Variants in SUGCT observed in about 807,000 individuals in gnomAD.
SUGCT encodes succinyl-CoA:glutarate CoA-transferase.
A neutral mutation model predicts 55.0 loss-of-function variants in SUGCT; 41 were observed. The observed-to-expected ratio is 0.74, with a 90% CI of 0.58 to 0.97. SUGCT has a LOEUF of 0.97. Ranked by LOEUF, SUGCT falls within the 50% of genes least tolerant of loss-of-function variation. SUGCT has a pLI of 0.00. For missense variants in SUGCT, 568 were observed against 547.8 expected (o/e 1.04, Z -0.37); for synonymous variants, 187 against 200.4 (o/e 0.93, Z 0.56).
the SUGCT span, among the ~76,000 whole-genome samples, chr7:40,962,386 T>G: frequency 1.3e-5 from 2 of 152,080 alleles, no homozygotes; most frequent in South Asian, 4.2e-4. Context: ...AGTCCCCACC[T>G]GACCCAGAAA....
intron 12 of SUGCT, among the ~76,000 whole-genome samples, chr7:40,740,116 T>G (rs1787384441): frequency 6.6e-6 from 1 of 152,100 alleles, no homozygotes; most frequent in Non-Finnish European, 1.5e-5. Flanking sequence ...GCATACACAG[T>G]CTATACATTT....
chr7:40,135,244 C>T, intron 1 of SUGCT, 124 bp downstream of exon 1: 9 of 1,207,716 alleles, frequency 7.5e-6, no homozygotes, highest in South Asian at 1.8e-5. Context: ...TGGCTTTGCT[C>T]GCCTCCCTGC....
chr7:40,253,040 A>G (rs1790545904), intron 7 of SUGCT, among the ~76,000 whole-genome samples: 1 of 152,252 alleles, frequency 6.6e-6, no homozygotes, highest in Non-Finnish European at 1.5e-5. Context: ...ATTGTGTAAT[A>G]TAGTGCAAAG....
chr7:40,169,505 G>A (rs1328655875), intron 1 of SUGCT, among the ~76,000 whole-genome samples: 3 of 152,198 alleles, frequency 2.0e-5, no homozygotes, highest in African/African-American at 7.2e-5. Context: ...TGGATCATCT[G>A]GTTAGTGGCT....
At chr7:40,311,109 G>A (rs945126408) in intron 8 of SUGCT, among the ~76,000 whole-genome samples, 1 of 152,114 alleles carries the variant, frequency 6.6e-6, no homozygotes, top group Non-Finnish European at 1.5e-5. Flanking sequence ...AGTTTACCCA[G>A]ATATTCAGCA....
chr7:40,456,126 A>C lies in SUGCT; in HGVS notation c.889-2975A>C, dbSNP rs182780906. 3.1e-3 allele frequency among the ~76,000 whole-genome samples: 470 copies of C among 152,176 alleles called. 5 individuals carry two copies. The highest frequency in any genetic ancestry group is 0.011 in the African/African-American group (439 of 41,510). ...CTGCAACCTCTGCCTCCTGGGTTCA[A>C]GTGATTCTTGTGCCTCAGCCTCCTG... On this transcript the variant is annotated intron_variant, in intron 10 of 13. Transcript: ENST00000335693.
chr7:40,639,931 G>A (rs1800195078), intron 12 of SUGCT, among the ~76,000 whole-genome samples: 1 of 152,106 alleles, frequency 6.6e-6, no homozygotes, highest in Non-Finnish European at 1.5e-5. Flanking sequence ...TAATTTTAAA[G>A]TCATCTTTCT....
At chr7:40,381,846 G>C (rs910997064) in intron 9 of SUGCT, among the ~76,000 whole-genome samples, 1 of 152,026 alleles carries the variant, frequency 6.6e-6, no homozygotes, top group South Asian at 2.1e-4. Flanking sequence ...CAAGTGATTA[G>C]TATTTTTTTA....
intron 1 of SUGCT, among the ~76,000 whole-genome samples, chr7:40,157,033 A>C (rs1471524150): frequency 4.1e-5 from 6 of 146,392 alleles, no homozygotes; most frequent in Non-Finnish European, 9.0e-5. Flanking sequence ...AAAAAAGGTA[A>C]ATATTTTCAT....
chr7:40,945,391 A>G, the SUGCT span, among the ~76,000 whole-genome samples: 2 of 152,036 alleles, frequency 1.3e-5, no homozygotes, highest in African/African-American at 4.8e-5. Context: ...TTGTAACTCT[A>G]CCCCTCATGC....
At chr7:40,553,537 A>T (rs1486191185) in intron 12 of SUGCT, among the ~76,000 whole-genome samples, 1 of 152,184 alleles carries the variant, frequency 6.6e-6, no homozygotes, top group East Asian at 1.9e-4. Context: ...ATCACAGCTA[A>T]TCCATGTGAT....
intron 9 of SUGCT, among the ~76,000 whole-genome samples, chr7:40,419,394 G>T (rs935784992): frequency 6.6e-6 from 1 of 152,158 alleles, no homozygotes; most frequent in African/African-American, 2.4e-5. Context: ...TGAATCACTT[G>T]ATTCATTACT....
chr7:40,336,358 G>C (rs1796706233), intron 9 of SUGCT, among the ~76,000 whole-genome samples: 1 of 152,128 alleles, frequency 6.6e-6, no homozygotes, highest in Non-Finnish European at 1.5e-5. Flanking sequence ...GTAGAATTCG[G>C]CTGTGAATCC....
intron 11 of SUGCT, among the ~76,000 whole-genome samples, chr7:40,493,329 C>G (rs902891052): frequency 2.6e-5 from 4 of 152,150 alleles, no homozygotes; most frequent in Non-Finnish European, 5.9e-5. Flanking sequence ...ATTTAATAAC[C>G]AGCATTTCGT....
intron 12 of SUGCT, among the ~76,000 whole-genome samples, chr7:40,746,658 G>A (rs1787748291): frequency 6.6e-6 from 1 of 152,196 alleles, no homozygotes; most frequent in Non-Finnish European, 1.5e-5. Flanking sequence ...GAGAAAGTAC[G>A]CTCTTTAAAC....
chr7:40,898,480 CG>C, the SUGCT span, among the ~76,000 whole-genome samples: 31 of 5,714 alleles, frequency 5.4e-3, no homozygotes, highest in East Asian at 0.022. Context: ...TCCGGGAGGT[CG>C]GGGGGGGGGG....
rs71560200 is a variant in SUGCT, at chr7:40,695,167, TTTTATTTATTTA to T, written c.1090-54227_1090-54216del. Reference sequence around the variant, plus strand: ...TAATGTTATCTACCTAAACCCTTATTTTTATTTATTTATTTATTTATTTATTTATTTATTTAT... The same window carrying T: ...TAATGTTATCTACCTAAACCCTTATTTTTATTTATTTATTTATTTATTTAT... On this transcript the variant is annotated intron_variant, in intron 12 of 13. Transcript: ENST00000335693. Among the ~76,000 whole-genome samples, 616 of 135,504 alleles carry T rather than the reference TTTTATTTATTTA, an allele frequency of 4.5e-3. 5 individuals carry two copies. Among genetic ancestry groups the T allele is most frequent in the African/African-American group, 0.014 (502 of 36,086 alleles). The allele number at this position is 135,504 out of a possible 152,430, so 88.9% of individuals were successfully genotyped here. A position where few individuals can be genotyped will look rare whatever the true frequency, so the allele number is the denominator to read the frequency against.
In SUGCT at chr7:40,245,423, ATTTTTTTTTTTTTTTTT is replaced by A. The variant is rs1168316176; in HGVS notation, c.576+7715_576+7731del. Among the ~76,000 whole-genome samples the A allele has an allele frequency of 2.0e-4, 11 of 54,564 alleles. No homozygotes were observed. The East Asian group carries it at 2.7e-3, about 13-fold the overall frequency. 35.8% of individuals were successfully genotyped at this position (54,564 alleles called of 152,430 possible). ...AGTAGACATATATATATATATATAT[ATTTTTTTTTTTTTTTTT>A]TTTTTTTTTTTTTTTTTGAGATGGA... On this transcript the variant is annotated intron_variant, in intron 7 of 13. Transcript: ENST00000335693.
intron 8 of SUGCT, among the ~76,000 whole-genome samples, chr7:40,303,301 T>A (rs372330588): frequency 2.0e-5 from 3 of 152,288 alleles, no homozygotes; most frequent in African/African-American, 4.8e-5. Flanking sequence ...CCCAAAGTGC[T>A]AGGATTGCAG....
Sources: allele counts gnomAD v4.1 joint callset (sites outside exome capture counted in the v4.1 genomes callset), GRCh38; gene constraint gnomAD v4.1.1; transcripts MANE v1.5; gene names NCBI Gene and HGNC (gene_info 2026-07-23, HGNC 2026-07-21).